TBC1D9B: variants seen among roughly 807,000 people sequenced by gnomAD.
TBC1D9B encodes TBC1 domain family, member 9B (with GRAM domain).
TBC1D9B carries 87 observed loss-of-function variants against 121.1 expected under a neutral mutation model. The ratio of observed to expected loss-of-function variants is 0.72; its 90% CI spans 0.60 to 0.86. TBC1D9B has a LOEUF of 0.86. Ranked by LOEUF, TBC1D9B falls within the 40% of genes least tolerant of loss-of-function variation. The pLI is 0.00. For synonymous variants in TBC1D9B, 668 were observed against 670.1 expected (o/e 1.00, Z 0.05); for missense variants, 1,540 against 1,628.6 (o/e 0.95, Z 0.94).
chr5:179,897,401 C>G (rs1322499491), intron 3 of TBC1D9B, among the ~76,000 whole-genome samples: 1 of 151,692 alleles, frequency 6.6e-6, no homozygotes, highest in Admixed American at 6.6e-5. Flanking sequence ...CAACCTCTGC[C>G]TCCTAAGTCC....
Position 179,904,740 on chromosome 5 carries a change from TGGTGCAGGATGCGGTAA to T in TBC1D9B, c.174_190del (p.Tyr59AspfsTer29). 6.3e-7 allele frequency: 1 copy of T among 1,579,292 alleles called. No homozygotes were observed. Among genetic ancestry groups the T allele is most frequent in the East Asian group, 2.3e-5 (1 of 43,288 alleles). ...CCAGTAGACCTGGGAGTCCTGGGTC[TGGTGCAGGATGCGGTAA>T]GGGGCCACGCGGGCACTGGAGTCCA... On this transcript the variant is annotated frameshift_variant, in exon 2 of 21. Coordinates refer to ENST00000355235, the MANE Select transcript of TBC1D9B (RefSeq NM_015043.4). LOFTEE classifies it high-confidence loss of function. This position sits in a 1 kb window ranked among gnomAD's most constrained non-coding sequence, Gnocchi z 4.2.
chr5:179,894,974 G>C (rs1760980066), intron 3 of TBC1D9B, among the ~76,000 whole-genome samples: 1 of 152,160 alleles, frequency 6.6e-6, no homozygotes, highest in Admixed American at 6.5e-5. Flanking sequence ...CCATCCTCCT[G>C]CCTCAGCCTC....
rs1372543241 is a variant in TBC1D9B at position 179,863,876 on chromosome 5, C to T, written c.3274G>A (p.Ala1092Thr). The T allele has an allele frequency of 6.2e-7, 1 of 1,613,114 alleles. No homozygotes were observed. Among genetic ancestry groups the T allele is most frequent in the Non-Finnish European group, 8.5e-7 (1 of 1,179,472 alleles). Reference protein sequence around the residue: ...LQPPAAGDPQAKAGGDTHLGK... With the variant: ...LQPPAAGDPQTKAGGDTHLGK... ...AGGTGTGTGTCTCCGCCTGCTTTGGCTTGGGGGTCTCCTGCAGCTGGGGGC... is the reference window on the plus strand; with the variant it reads ...AGGTGTGTGTCTCCGCCTGCTTTGGTTTGGGGGTCTCCTGCAGCTGGGGGC... The change falls in exon 21 of 21, where the codon GCC becomes ACC. Residue 1092 changes from alanine (A) to threonine (T), a missense_variant. Coordinates refer to ENST00000355235, the MANE Select transcript of TBC1D9B (RefSeq NM_015043.4). The surrounding 1 kb of genome is among the most constrained non-coding windows in gnomAD (Gnocchi z 4.5).
At chr5:179,903,462 A>G (rs1028849140) in intron 2 of TBC1D9B, among the ~76,000 whole-genome samples, 4 of 152,150 alleles carry the variant, frequency 2.6e-5, no homozygotes, top group African/African-American at 9.7e-5. Flanking sequence ...GATTCTCGTT[A>G]TTCAGGTGGT....
chr5:179,863,679 C>T lies in TBC1D9B; in HGVS notation c.3471G>A (p.Thr1157=), dbSNP rs200666453. 4.5e-5 allele frequency: 73 copies of T among 1,613,618 alleles called. No homozygotes were observed. Among genetic ancestry groups the T allele is most frequent in the African/African-American group, 1.1e-4 (8 of 74,946 alleles). ...SLQCEDLADD[T]VLVGGEACSP... ...TGCAGGCCTCCCCGCCCACCAGCAC[C>T]GTGTCGTCTGCAAGGTCTTCACATT... is the stretch of plus-strand genomic sequence containing the variant. The change falls in exon 21 of 21, where the codon ACG becomes ACA. Residue 1157 remains threonine, a synonymous_variant. Transcript: ENST00000355235. The surrounding 1 kb of genome is among the most constrained non-coding windows in gnomAD (Gnocchi z 4.5).
chr5:179,874,982 C>T lies in TBC1D9B; in HGVS notation c.2106G>A (p.Val702=). ...FYEGIKVILQ[V]ALAVLDANME... ...TGTTGGCGTCCAGGACGGCCAGGGC[C>T]ACCTGCAGGATCACCTTGATGCCCT... Residue 702 remains valine, a synonymous_variant, in exon 12 of 21, where the codon GTG becomes GTA. Transcript: ENST00000355235. This position sits in a 1 kb window ranked among gnomAD's most constrained non-coding sequence, Gnocchi z 4.3. The T allele has an allele frequency of 6.2e-7, 1 of 1,613,884 alleles. No homozygotes were observed. The highest frequency in any genetic ancestry group is 8.5e-7 in the Non-Finnish European group (1 of 1,180,040).
In TBC1D9B at chr5:179,904,396, T is replaced by C. The variant is rs1761250360; in HGVS notation, c.229+306A>G. ...TCCGCCACCACCCCCAGCTAATTTT[T>C]TGTGTTTTTTAGTAGAGACGTGGTT... On this transcript the variant is annotated intron_variant, in intron 2 of 20. Transcript: ENST00000355235. The surrounding 1 kb of genome is among the most constrained non-coding windows in gnomAD (Gnocchi z 4.2). 6.6e-6 allele frequency among the ~76,000 whole-genome samples: 1 copy of C among 151,942 alleles called. No homozygotes were observed. Among genetic ancestry groups the C allele is most frequent in the Admixed American group, 6.6e-5 (1 of 15,260 alleles).
chr5:179,870,713 C>G, intron 15 of TBC1D9B: 1 of 687,092 alleles, frequency 1.5e-6, no homozygotes, highest in East Asian at 2.9e-5. Flanking sequence ...AGACAGAGTC[C>G]TTGGCAGCCT....
rs112342892 is a variant in TBC1D9B, at chr5:179,865,333, T to C, written c.2942A>G (p.Tyr981Cys). Residue 981 changes from tyrosine to cysteine, a missense_variant, in exon 20 of 21, where the codon TAT becomes TGT. By Grantham distance (194) the Tyr-to-Cys change is radical. Transcript: ENST00000355235. This position sits in a 1 kb window ranked among gnomAD's most constrained non-coding sequence, Gnocchi z 5.1. The part of the protein sequence containing the change: ...GEEKGTSSPD[Y>C]RHYLRMWAKE... ...GGCCCACATTCGAAGGTAGTGCCGA[T>C]AGTCCGGAGAGCTGGTCCCCTTCTC... The C allele has an allele frequency of 1.2e-4, 201 of 1,613,980 alleles. 1 individual carries two copies. The highest frequency in any genetic ancestry group is 8.0e-5 in the African/African-American group (6 of 74,936).
chr5:179,890,079 G>A lies in TBC1D9B; in HGVS notation c.1044+1300C>T, dbSNP rs150010743. ...TTTTACCTGGGCAAAGGGTGGAAGAGGGGTCACTTCCCGAGGGAAGCATGG... is the reference window on the plus strand; with the variant it reads ...TTTTACCTGGGCAAAGGGTGGAAGAAGGGTCACTTCCCGAGGGAAGCATGG... On this transcript the variant is annotated intron_variant, in intron 6 of 20. Transcript: ENST00000355235. The surrounding 1 kb of genome is among the most constrained non-coding windows in gnomAD (Gnocchi z 5.0). Among the ~76,000 whole-genome samples the A allele has an allele frequency of 3.1e-4, 47 of 152,268 alleles. No homozygotes were observed. Among genetic ancestry groups the A allele is most frequent in the African/African-American group, 9.1e-4 (38 of 41,556 alleles).
At chr5:179,882,844 C>T (rs1250649762) in intron 7 of TBC1D9B, among the ~76,000 whole-genome samples, 1 of 152,150 alleles carries the variant, frequency 6.6e-6, no homozygotes, top group African/African-American at 2.4e-5. Flanking sequence ...CAACCCCCAA[C>T]AAAAAGTTAC....
intron 10 of TBC1D9B, among the ~76,000 whole-genome samples, chr5:179,877,662 C>A (rs1448861429): frequency 1.5e-4 from 16 of 109,316 alleles, no homozygotes; most frequent in Non-Finnish European, 2.6e-4. Context: ...GAGATTCTAT[C>A]TCAAAAAAAA....
Position 179,885,271 on chromosome 5 carries a change from C to T in TBC1D9B, c.1254+2832G>A, listed in dbSNP as rs143168471. On this transcript the variant is annotated intron_variant, in intron 7 of 20. Coordinates refer to ENST00000355235, the MANE Select transcript of TBC1D9B (RefSeq NM_015043.4). This position sits in a 1 kb window ranked among gnomAD's most constrained non-coding sequence, Gnocchi z 4.5. Reference sequence around the variant, plus strand: ...CTTAATCCAATATATCCAAAATACTCGCATTTCAACAGGAATCAATTAAAA... The same window carrying T: ...CTTAATCCAATATATCCAAAATACTTGCATTTCAACAGGAATCAATTAAAA... Among the ~76,000 whole-genome samples, 1 of 152,142 alleles carries T rather than the reference C, an allele frequency of 6.6e-6. No homozygotes were observed. Among genetic ancestry groups the T allele is most frequent in the Non-Finnish European group, 1.5e-5 (1 of 68,024 alleles).
At chr5:179,889,714 AT>A (rs111328348) in intron 6 of TBC1D9B, among the ~76,000 whole-genome samples, 36 of 152,006 alleles carry the variant, frequency 2.4e-4, no homozygotes, top group African/African-American at 8.4e-4. Flanking sequence ...TCTGTTAAAA[AT>A]TTAAAAAAAA....
At chr5:179,879,366 G>C in intron 8 of TBC1D9B, 169 bp from the exon 9 acceptor site, 1 of 1,166,514 alleles carries the variant, frequency 8.6e-7, no homozygotes, top group African/African-American at 1.5e-5. Flanking sequence ...ACCTCCCAAG[G>C]CTCAGGAGAC....
Position 179,904,220 on chromosome 5 carries a change from CTTT to C in TBC1D9B, c.229+479_229+481del, listed in dbSNP as rs550418299. Among the ~76,000 whole-genome samples, 13 of 80,890 alleles carry C rather than the reference CTTT, an allele frequency of 1.6e-4. No individual in the cohort carries two copies. Among genetic ancestry groups the C allele is most frequent in the Non-Finnish European group, 2.1e-4 (9 of 43,624 alleles). 53.1% of individuals were successfully genotyped at this position (80,890 alleles called of 152,430 possible). A position where few individuals can be genotyped will look rare whatever the true frequency, so the allele number is the denominator to read the frequency against. ...CTGTCCCCATGACCAGTGGAGCTGC[CTTT>C]TTTTTTTTTTTTTTTTTTTGAGACG... On this transcript the variant is annotated intron_variant, in intron 2 of 20. Transcript: ENST00000355235. This position sits in a 1 kb window ranked among gnomAD's most constrained non-coding sequence, Gnocchi z 4.2.
At chr5:179,895,652 G>C (rs1760998070) in intron 3 of TBC1D9B, among the ~76,000 whole-genome samples, 1 of 152,166 alleles carries the variant, frequency 6.6e-6, no homozygotes, top group Non-Finnish European at 1.5e-5. Context: ...AGTGCCCTCA[G>C]CTCAAAATGT....
At chr5:179,881,150 C>T (rs1760531786) in intron 7 of TBC1D9B, among the ~76,000 whole-genome samples, 1 of 152,332 alleles carries the variant, frequency 6.6e-6, no homozygotes, top group South Asian at 2.1e-4. Context: ...AGGGACCAGG[C>T]GGCTTTCGGC....
intron 5 of TBC1D9B, 117 bp downstream of exon 5, chr5:179,893,092 A>T: frequency 7.1e-7 from 1 of 1,417,112 alleles, no homozygotes; most frequent in Non-Finnish European, 9.4e-7. Context: ...TGGGGAGCCC[A>T]TGAGGGGTGA....
Sources: gnomAD v4.1 joint callset for allele counts (sites outside exome capture counted in the v4.1 genomes callset) on GRCh38, gnomAD v4.1.1 for gene constraint, Gnocchi (gnomAD v3.1) non-coding constraint, MANE v1.5 for transcripts, NCBI Gene and HGNC (gene_info 2026-07-23, HGNC 2026-07-21) for gene names.